COL17A1: variants seen among roughly 807,000 people sequenced by gnomAD.
The protein encoded by COL17A1 is collagen alpha-1(XVII) chain.
A neutral mutation model predicts 218.4 loss-of-function variants in COL17A1; 181 were observed. The observed-to-expected ratio is 0.83, with a 90% CI of 0.73 to 0.94. The LOEUF is 0.94. Among genes scored for constraint, COL17A1 ranks in the 40% least tolerant of loss-of-function variants. COL17A1 has a pLI of 0.00. For synonymous variants in COL17A1, 721 were observed against 731.0 expected (o/e 0.99, Z 0.22); for missense variants, 1,924 against 1,945.9 (o/e 0.99, Z 0.21).
intron 16 of COL17A1, 115 bp downstream of exon 16, chr10:104,058,031 G>T: frequency 6.8e-7 from 1 of 1,469,990 alleles, no homozygotes; most frequent in Non-Finnish European, 9.4e-7. Flanking sequence ...ACTCTTTAGA[G>T]TCTGGTGGCT....
chr10:104,036,716 G>C (rs1338268254), intron 47 of COL17A1, 84 bp from the exon 48 acceptor site: 1 of 1,511,056 alleles, frequency 6.6e-7, no homozygotes, highest in African/African-American at 1.4e-5. Flanking sequence ...GGGCTCCCCT[G>C]CACAAACTGG....
intron 16 of COL17A1, among the ~76,000 whole-genome samples, chr10:104,057,804 G>A (rs1033607827): frequency 1.3e-5 from 2 of 152,142 alleles, no homozygotes; most frequent in Non-Finnish European, 2.9e-5. Flanking sequence ...GGCTGGAGGC[G>A]TGCATGGCTT....
intron 33 of COL17A1, 68 bp downstream of exon 33, chr10:104,045,690 T>A: frequency 7.6e-7 from 1 of 1,314,262 alleles, no homozygotes; most frequent in Non-Finnish European, 1.1e-6. Context: ...GGCCTCCTCC[T>A]GTCCATCCCT....
intron 10 of COL17A1, 97 bp downstream of exon 10, chr10:104,064,341 C>T: frequency 6.3e-7 from 1 of 1,589,840 alleles, no homozygotes. Context: ...CTCCAGGAGG[C>T]CCTGAGGATG....
chr10:104,057,786 G>T (rs1247649943), intron 16 of COL17A1, among the ~76,000 whole-genome samples: 1 of 152,158 alleles, frequency 6.6e-6, no homozygotes, highest in East Asian at 1.9e-4. Flanking sequence ...AATGAGGAAA[G>T]GCTAAGGGGC....
Position 104,032,959 on chromosome 10 carries a change from G to T in COL17A1, c.4304C>A (p.Ala1435Asp), listed in dbSNP as rs146841330. 2 of 1,613,874 alleles carry T rather than the reference G, an allele frequency of 1.2e-6. No homozygotes were observed. The highest frequency in any genetic ancestry group is 1.7e-6 in the Non-Finnish European group (2 of 1,179,896). The part of the protein sequence containing the change: ...DLMDFFQTYG[A>D]IQGPPGQKGE... ...TTTTTGCCCAGGGGGTCCTTGAATG[G>T]CTCCATAAGCTGCAAAAGCAAGGAA... The change falls in exon 54 of 56, where the codon GCC becomes GAC. Residue 1435 changes from alanine (A) to aspartate (D), a missense_variant. Physicochemically the swap from Ala to Asp is moderately radical, Grantham distance 126. Coordinates refer to ENST00000648076, the MANE Select transcript of COL17A1 (RefSeq NM_000494.4).
intron 5 of COL17A1, among the ~76,000 whole-genome samples, chr10:104,075,194 C>T (rs1243958299): frequency 6.6e-6 from 1 of 152,082 alleles, no homozygotes; most frequent in East Asian, 1.9e-4. Context: ...CCTCTAACAC[C>T]TCTTTGCGAA....
At position 104,055,823 on chromosome 10, in the gene COL17A1, C is replaced by G; in HGVS notation, c.1646G>C (p.Trp549Ser). The change falls in exon 18 of 56, where the codon TGG becomes TCG. Residue 549 changes from tryptophan (W) to serine (S), a missense_variant. By Grantham distance (177) the Trp-to-Ser change is radical. Transcript: ENST00000648076. ...CATTAGCTTCTTCCTCACGAACATC[C>G]AGAGCTCCTCCTGGCTGTCACTGTG... ...GLHSDSQEEL[W>S]MFVRKKLMME... The G allele has an allele frequency of 6.2e-7, 1 of 1,614,218 alleles. No homozygotes were observed. The highest frequency in any genetic ancestry group is 1.1e-5 in the South Asian group (1 of 91,084).
In COL17A1 at chr10:104,032,750, G is replaced by A. The variant is rs1844704086; in HGVS notation, c.4362C>T (p.Asp1454=). 1 of 1,614,066 alleles carries A rather than the reference G, an allele frequency of 6.2e-7. No individual in the cohort carries two copies. Among genetic ancestry groups the A allele is most frequent in the African/African-American group, 1.3e-5 (1 of 74,944 alleles). ...GEMGTPGPKG[D]RGPAGPPGHP... ...GACCTGGTGGCCCAGCAGGGCCCCT[G>A]TCACCTGGAAGGAAAAATGGGGCGT... The change falls in exon 55 of 56, where the codon GAC becomes GAT. Residue 1454 remains aspartate (D), a synonymous_variant. Transcript: ENST00000648076.
intron 9 of COL17A1, among the ~76,000 whole-genome samples, chr10:104,068,659 T>C (rs575583444): frequency 2.0e-5 from 3 of 152,256 alleles, no homozygotes; most frequent in African/African-American, 7.2e-5. Context: ...AAAGAATTTG[T>C]ACATGGGGAA....
intron 28 of COL17A1, 26 bp from the exon 29 acceptor site, chr10:104,049,497 T>A: frequency 6.2e-7 from 1 of 1,612,894 alleles, no homozygotes; most frequent in Non-Finnish European, 8.5e-7. Context: ...AACTAGCTGG[T>A]TGGACACTTG....
chr10:104,054,878 A>T (rs527259255), intron 20 of COL17A1, 103 bp downstream of exon 20: 2 of 1,568,060 alleles, frequency 1.3e-6, no homozygotes, highest in Non-Finnish European at 1.7e-6. Context: ...CTGTTGTCAA[A>T]TTACTTCTTG....
intron 44 of COL17A1, 117 bp downstream of exon 44, chr10:104,038,954 G>T: frequency 1.7e-6 from 2 of 1,195,938 alleles, no homozygotes; most frequent in Non-Finnish European, 2.5e-6. Context: ...GGAGAAGACA[G>T]CCAATCAACA....
intron 9 of COL17A1, 46 bp downstream of exon 9, chr10:104,070,380 A>AGGC: frequency 6.2e-7 from 1 of 1,611,546 alleles, no homozygotes; most frequent in African/African-American, 1.3e-5. Context: ...TTGGATGGGT[A>AGGC]AGTTTGTTTC....
rs754104299 is a variant in COL17A1, at chr10:104,080,617, C to T, written c.52+5G>A. On this transcript the variant is annotated splice_donor_5th_base_variant and intron_variant, in intron 2 of 55. Coordinates refer to ENST00000648076, the MANE Select transcript of COL17A1 (RefSeq NM_000494.4). ...ACATAAATTAAAAAATTCTGATGCT[C>T]TTACTTCTCTCAGTGACTTCAGTTC... is the stretch of plus-strand genomic sequence containing the variant. The T allele has an allele frequency of 3.1e-6, 5 of 1,612,414 alleles. No individual in the cohort carries two copies. The African/African-American group carries it at 4.0e-5, about 13-fold the overall frequency.
At position 104,045,904 on chromosome 10, in the gene COL17A1, C is replaced by T. The variant is rs900637733; in HGVS notation, c.2363-111G>A. 38 of 895,498 alleles carry T rather than the reference C, an allele frequency of 4.2e-5. No individual in the cohort carries two copies. In the East Asian group the frequency reaches 8.5e-4, roughly 20 times the overall value. The allele number at this position is 895,498 out of a possible 1,614,324, so 55.5% of individuals were successfully genotyped here. On this transcript the variant is annotated intron_variant, in intron 32 of 55. Coordinates refer to ENST00000648076, the MANE Select transcript of COL17A1 (RefSeq NM_000494.4). Reference sequence around the variant, plus strand: ...AGCACAGCCACACTGCTGACTGAAACCCTGGGACGCACCAGCTTTGCCTTC... The same window carrying T: ...AGCACAGCCACACTGCTGACTGAAATCCTGGGACGCACCAGCTTTGCCTTC...
In COL17A1 at chr10:104,042,270, G is replaced by C. The variant is rs915351959; in HGVS notation, c.2551+150C>G. The C allele has an allele frequency of 5.1e-6, 4 of 782,246 alleles. No individual in the cohort carries two copies. In the East Asian group the frequency reaches 8.1e-5, roughly 16 times the overall value. The allele number at this position is 782,246 out of a possible 1,614,324, so 48.5% of individuals were successfully genotyped here. ...GCCCCAAGCCCCAGGGAATCACCTT[G>C]CAAGACCCCGGTGAAGAGCCCTGGC... On this transcript the variant is annotated intron_variant, in intron 36 of 55. Coordinates refer to ENST00000648076, the MANE Select transcript of COL17A1 (RefSeq NM_000494.4).
intron 5 of COL17A1, 27 bp from the exon 6 acceptor site, chr10:104,074,258 C>T: frequency 6.2e-7 from 1 of 1,614,138 alleles, no homozygotes; most frequent in South Asian, 1.1e-5. Context: ...ACACTTAGAA[C>T]AAATGGCCTC....
At chr10:104,043,711 C>A in intron 34 of COL17A1, 114 bp downstream of exon 34, 4 of 1,515,094 alleles carry the variant, frequency 2.6e-6, no homozygotes, top group East Asian at 2.3e-5. Context: ...CCTCCTCCCC[C>A]GCTACTGATC....
Sources: allele counts gnomAD v4.1 joint callset (sites outside exome capture counted in the v4.1 genomes callset), GRCh38; gene constraint gnomAD v4.1.1; transcripts MANE v1.5; gene names NCBI Gene and HGNC (gene_info 2026-07-23, HGNC 2026-07-21).